THSD7A: variants seen among roughly 807,000 people sequenced by gnomAD.
THSD7A encodes the protein thrombospondin type 1 domain containing 7A.
A neutral mutation model predicts 231.3 loss-of-function variants in THSD7A; 96 were observed. The observed-to-expected ratio is 0.41, with a 90% CI of 0.35 to 0.49. The LOEUF is 0.49. Ranked by LOEUF, THSD7A falls within the 20% of genes least tolerant of loss-of-function variation. The pLI is 0.05. For synonymous variants in THSD7A, 940 were observed against 743.3 expected (o/e 1.26, Z -4.30); for missense variants, 2,290 against 2,070.2 (o/e 1.11, Z -2.06).
rs1782304560 is a variant in THSD7A at position 11,377,040 on chromosome 7, AATTTT to A, written c.4802-388_4802-384del. On this transcript the variant is annotated intron_variant, in intron 26 of 27. Coordinates refer to ENST00000423059, the MANE Select transcript of THSD7A (RefSeq NM_015204.3). The surrounding 1 kb of genome is among the most constrained non-coding windows in gnomAD (Gnocchi z 4.5). ...AATGAGAAGAAAAGATGAAAAATGC[AATTTT>A]AAGAAAGTTTCTACAAACTCGAGTT... The A allele has an allele frequency of 6.4e-6, 1 of 156,144 alleles. No individual in the cohort carries two copies. Among genetic ancestry groups the A allele is most frequent in the Non-Finnish European group, 1.4e-5 (1 of 70,798 alleles). 9.7% of individuals were successfully genotyped at this position (156,144 alleles called of 1,614,324 possible).
intron 1 of THSD7A, among the ~76,000 whole-genome samples, chr7:11,645,083 C>T (rs1361539352): frequency 2.0e-5 from 3 of 151,902 alleles, no homozygotes; most frequent in Admixed American, 6.6e-5. Flanking sequence ...AATCTACATT[C>T]TATCACTACA....
In THSD7A at chr7:11,500,881, C is replaced by A. The variant is rs142691537; in HGVS notation, c.1823-18899G>T. The stretch of plus-strand genomic sequence containing the variant: ...ATCTGGGAGGCAAAGTTGCACTGAG[C>A]TGAGATCGCACCACTGCACTCCAGC... On this transcript the variant is annotated intron_variant, in intron 6 of 27. Coordinates refer to ENST00000423059, the MANE Select transcript of THSD7A (RefSeq NM_015204.3). Among the ~76,000 whole-genome samples, 1,095 of 150,866 alleles carry A rather than the reference C, an allele frequency of 7.3e-3. 10 individuals are homozygous for A. The highest frequency in any genetic ancestry group is 0.026 in the African/African-American group (1,051 of 41,054).
At chr7:11,717,205 G>C (rs1460466812) in intron 1 of THSD7A, among the ~76,000 whole-genome samples, 2 of 151,702 alleles carry the variant, frequency 1.3e-5, no homozygotes, top group Non-Finnish European at 2.9e-5. Flanking sequence ...AAGCAATAAA[G>C]GTGATAGTCT....
chr7:11,654,708 A>G (rs1437815743), intron 1 of THSD7A, among the ~76,000 whole-genome samples: 1 of 151,960 alleles, frequency 6.6e-6, no homozygotes, highest in Non-Finnish European at 1.5e-5. Context: ...GCCAATCTGT[A>G]TTTCAAGACA....
At chr7:11,591,240 A>C (rs1305602561) in intron 3 of THSD7A, among the ~76,000 whole-genome samples, 1 of 149,288 alleles carries the variant, frequency 6.7e-6, no homozygotes, top group African/African-American at 2.5e-5. Flanking sequence ...TCATCAGTGG[A>C]GCACAGGAAA....
chr7:11,542,980 C>T lies in THSD7A; in HGVS notation c.1591G>A (p.Asp531Asn). ...TACCTACCTTTTTTCCCTTGCTGAT[C>T]ATTACAGTTTTCATAAGTACAAGGT... The part of the protein sequence containing the change: ...WGPCTYENCN[D>N]QQGKKGFKLR... Residue 531 changes from aspartate (D) to asparagine (N), a missense_variant, in exon 5 of 28, where the codon GAT becomes AAT. Coordinates refer to ENST00000423059, the MANE Select transcript of THSD7A (RefSeq NM_015204.3). 1 of 1,613,432 alleles carries T rather than the reference C, an allele frequency of 6.2e-7. No homozygotes were observed. Among genetic ancestry groups the T allele is most frequent in the Admixed American group, 1.7e-5 (1 of 59,946 alleles).
At chr7:11,631,287 T>A (rs958188274) in intron 2 of THSD7A, among the ~76,000 whole-genome samples, 1 of 152,168 alleles carries the variant, frequency 6.6e-6, no homozygotes, top group African/African-American at 2.4e-5. Context: ...TCCATTTTCC[T>A]TTTTTTGTTT....
chr7:11,706,220 C>T (rs1473934085), intron 1 of THSD7A, among the ~76,000 whole-genome samples: 2 of 150,928 alleles, frequency 1.3e-5, no homozygotes, highest in Admixed American at 1.3e-4. Flanking sequence ...GTACACATAT[C>T]TCTTATTGAT....
chr7:11,679,582 A>G (rs1445835097), intron 1 of THSD7A, among the ~76,000 whole-genome samples: 1 of 152,072 alleles, frequency 6.6e-6, no homozygotes, highest in Non-Finnish European at 1.5e-5. Context: ...TCATAAGCAA[A>G]CTCCCATTCA....
At chr7:11,793,796 ATGTTGG>A (rs1784038053) in intron 1 of THSD7A, among the ~76,000 whole-genome samples, 1 of 151,902 alleles carries the variant, frequency 6.6e-6, no homozygotes, top group South Asian at 2.1e-4. Context: ...TTTATGCTTA[ATGTTGG>A]CATGTTGCTT....
chr7:11,456,755 T>C (rs1027441058), intron 11 of THSD7A, among the ~76,000 whole-genome samples: 1 of 152,022 alleles, frequency 6.6e-6, no homozygotes, highest in Non-Finnish European at 1.5e-5. Context: ...AAAAAATGGC[T>C]GTGGCTGTGT....
intron 11 of THSD7A, among the ~76,000 whole-genome samples, chr7:11,448,810 A>G (rs1304181654): frequency 6.6e-6 from 1 of 151,982 alleles, no homozygotes; most frequent in East Asian, 1.9e-4. Flanking sequence ...GCACTTCCCT[A>G]TTTCTTAGCT....
chr7:11,517,427 A>AT (rs1788078786), intron 6 of THSD7A, among the ~76,000 whole-genome samples: 1 of 4,860 alleles, frequency 2.1e-4, no homozygotes, highest in African/African-American at 1.2e-3. Flanking sequence ...TTAAAGAGTT[A>AT]AAAAAAAAAG....
At chr7:11,518,547 T>C (rs2128315341) in intron 6 of THSD7A, among the ~76,000 whole-genome samples, 1 of 152,064 alleles carries the variant, frequency 6.6e-6, no homozygotes, top group African/African-American at 2.4e-5. Context: ...ACAAGAATTC[T>C]TTTCCTGAAA....
At chr7:11,434,843 T>C (rs923471215) in intron 13 of THSD7A, among the ~76,000 whole-genome samples, 4 of 152,010 alleles carry the variant, frequency 2.6e-5, no homozygotes, top group Non-Finnish European at 5.9e-5. Context: ...GGTGATCTGA[T>C]ACCTGGGGCA....
At chr7:11,399,935 G>A (rs181243992) in intron 23 of THSD7A, among the ~76,000 whole-genome samples, 2,975 of 152,160 alleles carry the variant, frequency 0.02, 39 homozygotes, top group South Asian at 0.052. Context: ...TGATAGACTG[G>A]ATTAAGAAAA....
rs112290472 is a variant in THSD7A at position 11,530,643 on chromosome 7, C to G, written c.1822+10776G>C. On this transcript the variant is annotated intron_variant, in intron 6 of 27. Transcript: ENST00000423059. ...GGGGTAGAAAAGCCAACTGGTAAAA[C>G]GGACAAGACAGATGGTGGAGGACAT... is the stretch of plus-strand genomic sequence containing the variant. Among the ~76,000 whole-genome samples the G allele has an allele frequency of 3.5e-3, 527 of 152,178 alleles. 7 individuals carry two copies. Among genetic ancestry groups the G allele is most frequent in the African/African-American group, 0.012 (510 of 41,544 alleles).
chr7:11,435,161 C>T (rs1230816511), intron 13 of THSD7A, among the ~76,000 whole-genome samples: 3 of 151,822 alleles, frequency 2.0e-5, no homozygotes, highest in Non-Finnish European at 4.4e-5. Flanking sequence ...ACTCAATGAC[C>T]ACGCTTTTTC....
At chr7:11,796,911 G>A (rs2128180009) in intron 1 of THSD7A, among the ~76,000 whole-genome samples, 1 of 152,164 alleles carries the variant, frequency 6.6e-6, no homozygotes, top group East Asian at 1.9e-4. Flanking sequence ...AAATAGCACT[G>A]TGGAATTTCC....
Sources: gnomAD v4.1 joint callset for allele counts (sites outside exome capture counted in the v4.1 genomes callset) on GRCh38, gnomAD v4.1.1 for gene constraint, Gnocchi (gnomAD v3.1) non-coding constraint, MANE v1.5 for transcripts, NCBI Gene and HGNC (gene_info 2026-07-23, HGNC 2026-07-21) for gene names.